The following KIFAP3 variants were observed in gnomAD, a reference collection of about 807,000 sequenced individuals.
KIFAP3 encodes kinesin associated protein 3.
A neutral mutation model predicts 106.5 loss-of-function variants in KIFAP3; 68 were observed. The observed-to-expected ratio is 0.64, with a 90% CI of 0.53 to 0.78. KIFAP3 has a LOEUF of 0.78. Ranked by LOEUF, KIFAP3 falls within the 30% of genes least tolerant of loss-of-function variation. The pLI is 0.00. For missense variants in KIFAP3, 780 were observed against 941.8 expected, an observed-to-expected ratio of 0.83 and a Z score of 2.25; for synonymous variants, 320 against 311.5, an observed-to-expected ratio of 1.03 and a Z score of -0.29.
chr1:169,977,752 G>A (rs545284), intron 16 of KIFAP3, among the ~76,000 whole-genome samples: 142,455 of 152,034 alleles, frequency 0.94, 66,821 homozygotes, highest in East Asian at 1. Flanking sequence ...TCCCAAGTAG[G>A]GTAAATAAGG....
intron 17 of KIFAP3, among the ~76,000 whole-genome samples, chr1:169,969,701 C>T (rs1308516119): frequency 3.3e-5 from 5 of 151,968 alleles, no homozygotes; most frequent in East Asian, 1.9e-4. Context: ...CACCAGAGAA[C>T]CTGGTTATAT....
At chr1:170,043,396 G>C (rs1670084392) in intron 3 of KIFAP3, among the ~76,000 whole-genome samples, 1 of 152,108 alleles carries the variant, frequency 6.6e-6, no homozygotes, top group African/African-American at 2.4e-5. Context: ...CCACTGTAAG[G>C]TCTCTTTACC....
intron 10 of KIFAP3, among the ~76,000 whole-genome samples, chr1:169,994,960 A>C (rs902471123): frequency 1.3e-5 from 2 of 152,104 alleles, no homozygotes; most frequent in African/African-American, 4.8e-5. Flanking sequence ...ATAATATTTA[A>C]AGTTTTTGTT....
intron 9 of KIFAP3, chr1:170,024,199 T>C (rs891501806): frequency 4.6e-5 from 17 of 368,894 alleles, no homozygotes; most frequent in African/African-American, 2.9e-4. Flanking sequence ...CCATTCTATA[T>C]ATTAGAAATG....
chr1:170,050,011 T>C (rs1042410377), intron 2 of KIFAP3, among the ~76,000 whole-genome samples: 10 of 152,020 alleles, frequency 6.6e-5, no homozygotes, highest in Non-Finnish European at 1.5e-4. Context: ...ATGCCAGAAG[T>C]AGGCATCAGA....
At chr1:170,036,080 T>C (rs1669677313) in intron 5 of KIFAP3, among the ~76,000 whole-genome samples, 1 of 152,216 alleles carries the variant, frequency 6.6e-6, no homozygotes, top group East Asian at 1.9e-4. Context: ...ACTGAATTTA[T>C]GCTAGTAGCC....
intron 1 of KIFAP3, among the ~76,000 whole-genome samples, chr1:170,059,696 T>C (rs1421941967): frequency 6.6e-6 from 1 of 152,080 alleles, no homozygotes. Context: ...TACCAAAGCC[T>C]GGCAGAGACA....
At chr1:170,035,658 G>T (rs1329176099) in intron 5 of KIFAP3, 105 bp from the exon 6 acceptor site, 31 of 607,746 alleles carry the variant, frequency 5.1e-5, no homozygotes, top group Non-Finnish European at 7.4e-5. Flanking sequence ...AGCTAAGATA[G>T]AACTGGGACA....
chr1:169,958,710 A>C (rs1438752810), intron 18 of KIFAP3, among the ~76,000 whole-genome samples: 1 of 152,342 alleles, frequency 6.6e-6, no homozygotes, highest in East Asian at 1.9e-4. Context: ...ACAATTAAAA[A>C]ATAAAAAGTC....
At chr1:170,073,227 A>C (rs916877196) in intron 1 of KIFAP3, among the ~76,000 whole-genome samples, 1 of 152,246 alleles carries the variant, frequency 6.6e-6, no homozygotes, top group Admixed American at 6.5e-5. Flanking sequence ...GTGAGGAAAT[A>C]AACACTGATG....
At chr1:170,039,915 T>C (rs981502892) in intron 3 of KIFAP3, among the ~76,000 whole-genome samples, 1 of 152,124 alleles carries the variant, frequency 6.6e-6, no homozygotes, top group Non-Finnish European at 1.5e-5. Flanking sequence ...TTGAATTATC[T>C]GATTAATGGC....
chr1:170,006,717 A>G (rs1667984891), intron 10 of KIFAP3, among the ~76,000 whole-genome samples: 2 of 152,154 alleles, frequency 1.3e-5, no homozygotes, highest in Non-Finnish European at 2.9e-5. Context: ...TAGTAAATTG[A>G]GGTGAGGGTA....
intron 19 of KIFAP3, among the ~76,000 whole-genome samples, chr1:169,932,853 C>T (rs976139577): frequency 6.6e-6 from 1 of 151,898 alleles, no homozygotes; most frequent in African/African-American, 2.4e-5. Flanking sequence ...TCCTGAAAAT[C>T]TTATCAAATG....
At position 169,982,114 on chromosome 1, in the gene KIFAP3, A is replaced by T. The variant is rs781633819; in HGVS notation, c.1673-17T>A. On this transcript the variant is annotated splice_polypyrimidine_tract_variant and intron_variant, in intron 14 of 19. Transcript: ENST00000361580. ...CTGCAGCACCTAGTGAAGTCAAACC[A>T]TAGAAAGTTTTCACTGAAATGTCCT... 1.2e-6 allele frequency: 2 copies of T among 1,609,466 alleles called. No individual in the cohort carries two copies. Among genetic ancestry groups the T allele is most frequent in the East Asian group, 4.5e-5 (2 of 44,808 alleles).
intron 2 of KIFAP3, among the ~76,000 whole-genome samples, chr1:170,054,105 G>A (rs1267470514): frequency 6.6e-6 from 1 of 152,070 alleles, no homozygotes; most frequent in Non-Finnish European, 1.5e-5. Flanking sequence ...TCTGACTAAG[G>A]TCTAATATCC....
rs1436258946 is a variant in KIFAP3 at position 169,993,153 on chromosome 1, G to GC, written c.1184-899dup. On this transcript the variant is annotated intron_variant, in intron 10 of 19. Transcript: ENST00000361580. The stretch of plus-strand genomic sequence containing the variant: ...GACAGAGTCTCACTCTGTCGCCCAG[G>GC]CCAGAGTGCAGTGGCACAATCTTGG... 3.3e-5 allele frequency among the ~76,000 whole-genome samples: 5 copies of GC among 149,438 alleles called. No individual in the cohort carries two copies. In the Admixed American group the frequency reaches 3.3e-4, roughly 10 times the overall value.
At chr1:169,973,594 A>G (rs903202805) in intron 16 of KIFAP3, among the ~76,000 whole-genome samples, 1 of 151,350 alleles carries the variant, frequency 6.6e-6, no homozygotes, top group Non-Finnish European at 1.5e-5. Flanking sequence ...ACTTATAAGG[A>G]AAAGGAAATT....
At chr1:169,923,674 G>A (rs1410889866) in intron 19 of KIFAP3, among the ~76,000 whole-genome samples, 1 of 152,310 alleles carries the variant, frequency 6.6e-6, no homozygotes, top group East Asian at 1.9e-4. Context: ...GAAAACAAGA[G>A]GCATATGTGG....
At chr1:169,961,728 A>G (rs1665345961) in intron 17 of KIFAP3, among the ~76,000 whole-genome samples, 1 of 152,174 alleles carries the variant, frequency 6.6e-6, no homozygotes. Flanking sequence ...GAAGATCTTT[A>G]TGATGATTCA....
Sources: allele counts gnomAD v4.1 joint callset (sites outside exome capture counted in the v4.1 genomes callset), GRCh38; gene constraint gnomAD v4.1.1; transcripts MANE v1.5; gene names NCBI Gene and HGNC (gene_info 2026-07-23, HGNC 2026-07-21).